KIF19: variants seen among roughly 807,000 people sequenced by gnomAD.
KIF19 encodes kinesin family member 19, also known as kinesin-like protein KIF19.
In KIF19, 98 loss-of-function variants were observed where a neutral mutation model predicts 106.6. The observed-to-expected ratio is 0.92, with a 90% CI of 0.78 to 1.09. KIF19 has a LOEUF of 1.09. Ranked by LOEUF, KIF19 falls within the 50% of genes least tolerant of loss-of-function variation. The probability of loss-of-function intolerance (pLI) is 0.00; values close to 1 mark genes in which losing one functional copy is unlikely to be tolerated. For synonymous variants in KIF19, 516 were observed against 584.2 expected (o/e 0.88, Z 1.68); for missense variants, 1,373 against 1,414.3 (o/e 0.97, Z 0.47).
At chr17:74,328,364 C>G (rs568873108) in intron 1 of KIF19, 61 bp from the exon 2 acceptor site, 34 of 1,488,180 alleles carry the variant, frequency 2.3e-5, no homozygotes, top group South Asian at 1.3e-4. Flanking sequence ...TGCTTGAGGT[C>G]TCTCTGAGGC....
Position 74,351,989 on chromosome 17 carries a change from C to A in KIF19, c.1710C>A (p.His570Gln). Reference protein sequence around the residue: ...REVLSLLCRVHELEVENTEMQ... With the variant: ...REVLSLLCRVQELEVENTEMQ... ...TGCTCAGCCTGCTGTGCCGCGTGCA[C>A]GAGCTCGAGGTGGAGAACACCGAGA... Residue 570 changes from histidine to glutamine, a missense_variant, in exon 13 of 20, where the codon CAC becomes CAA. This residue lies in a region of KIF19 where 1,020 missense variants were observed against 1,008.2 expected (regional missense o/e 1.01). Transcript: ENST00000389916. The A allele has an allele frequency of 6.5e-7, 1 of 1,539,434 alleles. No homozygotes were observed. Among genetic ancestry groups the A allele is most frequent in the Non-Finnish European group, 8.7e-7 (1 of 1,150,944 alleles).
At chr17:74,329,528 T>C (rs959956444) in intron 2 of KIF19, 1 of 149,880 alleles carries the variant, frequency 6.7e-6, no homozygotes, top group Non-Finnish European at 1.5e-5. Flanking sequence ...AGGTCATTAG[T>C]AGCATGCATG....
rs540014461 is a variant in KIF19 at position 74,354,313 on chromosome 17, T to G, written c.2460T>G (p.Asp820Glu). Residue 820 changes from aspartate (D) to glutamate (E), a missense_variant, in exon 18 of 20, where the codon GAT becomes GAG. Around this residue, in one of 3 missense-constraint regions of KIF19, gnomAD observed 1,020 missense variants for 1,008.2 expected, o/e 1.01. Transcript: ENST00000389916. ...TGCACTCACTGAGCGAGGGCGACGA[T>G]GCGCGGCCACCAGGCCCACTGGCCT... ...LSLHSLSEGD[D>E]ARPPGPLACK... 2.5e-5 allele frequency: 41 copies of G among 1,608,490 alleles called. 1 individual carries two copies. The Middle Eastern group carries it at 2.6e-3, about 104-fold the overall frequency.
At position 74,344,209 on chromosome 17, in the gene KIF19, A is replaced by G. The variant is rs549122900; in HGVS notation, c.457-14A>G. On this transcript the variant is annotated splice_polypyrimidine_tract_variant and intron_variant, in intron 5 of 19. Coordinates refer to ENST00000389916, the MANE Select transcript of KIF19 (RefSeq NM_153209.4). ...GTCTCCCTTCCCCCACCCCTCCCCC[A>G]CCTGTCCCGTCAGATCTACAATGAG... The G allele has an allele frequency of 1.3e-6, 2 of 1,572,790 alleles. No homozygotes were observed. Among genetic ancestry groups the G allele is most frequent in the East Asian group, 4.6e-5 (2 of 43,658 alleles).
intron 2 of KIF19, among the ~76,000 whole-genome samples, chr17:74,339,627 C>T (rs1280954490): frequency 1.3e-5 from 2 of 148,642 alleles, no homozygotes; most frequent in Admixed American, 6.6e-5. Context: ...CTGAGGCTGC[C>T]GTCATGCACT....
At chr17:74,335,003 A>T (rs1249330410) in intron 2 of KIF19, among the ~76,000 whole-genome samples, 1 of 152,182 alleles carries the variant, frequency 6.6e-6, no homozygotes, top group East Asian at 1.9e-4. Context: ...AGGCCCAGAG[A>T]AGTGTTGGAG....
chr17:74,341,960 G>T lies in KIF19; in HGVS notation c.205G>T (p.Val69Leu), dbSNP rs745725314. 8.7e-6 allele frequency: 14 copies of T among 1,613,248 alleles called. No individual in the cohort carries two copies. The highest frequency in any genetic ancestry group is 1.7e-5 in the Admixed American group (1 of 59,996). ...CCGGGAGAAGTCCTACCTGTTCGAC[G>T]TGGCCTTTGACTTCACCGCCACCCA... ...RSREKSYLFD[V>L]AFDFTATQEM... Residue 69 changes from valine (V) to leucine (L), a missense_variant, in exon 3 of 20, where the codon GTG (valine) becomes TTG (leucine). Around this residue, in one of 3 missense-constraint regions of KIF19, gnomAD observed 348 missense variants for 389.5 expected, o/e 0.89. Coordinates refer to ENST00000389916, the MANE Select transcript of KIF19 (RefSeq NM_153209.4).
chr17:74,332,188 G>GTGTA (rs1224149429), intron 2 of KIF19, among the ~76,000 whole-genome samples: 1 of 49,566 alleles, frequency 2.0e-5, no homozygotes, highest in Non-Finnish European at 3.9e-5. Flanking sequence ...CAGTGTGTGT[G>GTGTA]TGTGTGTGTG....
At chr17:74,328,966 G>A (rs2053995890) in intron 2 of KIF19, 1 of 155,410 alleles carries the variant, frequency 6.4e-6, no homozygotes, top group African/African-American at 2.4e-5. Context: ...AGCATGCTGG[G>A]TACTGTTCTA....
chr17:74,336,980 C>G (rs538698105), intron 2 of KIF19, among the ~76,000 whole-genome samples: 1 of 152,272 alleles, frequency 6.6e-6, no homozygotes, highest in Admixed American at 6.5e-5. Flanking sequence ...CGCGTGCCAC[C>G]ATGCCCGGCT....
At chr17:74,353,026 T>C (rs2054764039) in intron 15 of KIF19, 72 bp downstream of exon 15, 1 of 1,572,500 alleles carries the variant, frequency 6.4e-7, no homozygotes, top group African/African-American at 1.3e-5. Context: ...AGACTAAGGC[T>C]AAATGGGGAA....
rs545749813 is a variant in KIF19 at position 74,348,004 on chromosome 17, G to A, written c.1047+105G>A. The A allele has an allele frequency of 9.5e-4, 1,244 of 1,311,516 alleles. 5 individuals carry two copies. Among genetic ancestry groups the A allele is most frequent in the Non-Finnish European group, 1.1e-3 (1,093 of 958,176 alleles). 81.2% of individuals were successfully genotyped at this position (1,311,516 alleles called of 1,614,324 possible). A position where few individuals can be genotyped will look rare whatever the true frequency, so the allele number is the denominator to read the frequency against. On this transcript the variant is annotated intron_variant, in intron 9 of 19. Transcript: ENST00000389916. ...ACTGCACTCTCTGGAACCAGCCACTGCTGCACTGGCCTCATTCCCTAGTTG... is the reference window on the plus strand; with the variant it reads ...ACTGCACTCTCTGGAACCAGCCACTACTGCACTGGCCTCATTCCCTAGTTG...
intron 2 of KIF19, among the ~76,000 whole-genome samples, chr17:74,340,555 G>GCGCGCACACACA: frequency 0.012 from 1,761 of 148,292 alleles, 19 homozygotes; most frequent in Middle Eastern, 0.017. Context: ...ATGCGCGCGC[G>GCGCGCACACACA]TACACACACA....
chr17:74,343,233 G>T, intron 5 of KIF19, 73 bp downstream of exon 5: 2 of 1,497,010 alleles, frequency 1.3e-6, no homozygotes, highest in Non-Finnish European at 1.8e-6. Flanking sequence ...AGCTTCCCGG[G>T]GCGCTCATCA....
chr17:74,352,061 C>CGAGG lies in KIF19; in HGVS notation c.1783_1786dup (p.Ala596GlyfsTer85). The CGAGG allele has an allele frequency of 1.3e-6, 2 of 1,589,322 alleles. No homozygotes were observed. The highest frequency in any genetic ancestry group is 1.7e-6 in the Non-Finnish European group (2 of 1,172,974). ...GCGACGGTGCGCTCCGCCACCGCCA[C>CGAGG]GAGGCCGTGCGCCGCCTGGAGCAGC... On this transcript the variant is annotated frameshift_variant, in exon 13 of 20. Transcript: ENST00000389916. LOFTEE classifies it high-confidence loss of function.
rs1037629992 is a variant in KIF19, at chr17:74,346,137, C to T, written c.778-241C>T. ...GTCAGGCCGTGCCACGGCACCTGCC[C>T]TGAGGAGAACCGGCCATCTCAGCCC... On this transcript the variant is annotated intron_variant, in intron 7 of 19. Transcript: ENST00000389916. This position sits in a 1 kb window ranked among gnomAD's most constrained non-coding sequence, Gnocchi z 4.6. Among the ~76,000 whole-genome samples, 37 of 152,380 alleles carry T rather than the reference C, an allele frequency of 2.4e-4. No individual in the cohort carries two copies. Among genetic ancestry groups the T allele is most frequent in the African/African-American group, 8.7e-4 (36 of 41,602 alleles).
At chr17:74,344,687 C>G in intron 6 of KIF19, 74 bp from the exon 7 acceptor site, 2 of 1,466,642 alleles carry the variant, frequency 1.4e-6, no homozygotes, top group Middle Eastern at 3.8e-4. Context: ...TCCCTGCTAG[C>G]CCCCTCAGGG....
rs1396942535 is a variant in KIF19 at position 74,341,948 on chromosome 17, T to C, written c.193T>C (p.Tyr65His). ...LRAHRSREKS[Y>H]LFDVAFDFTA... is the part of the protein sequence containing the mutation. ...GGCGCATCGCTCCCGGGAGAAGTCC[T>C]ACCTGTTCGACGTGGCCTTTGACTT... The change falls in exon 3 of 20, where the codon TAC (tyrosine) becomes CAC (histidine). Residue 65 changes from tyrosine to histidine, a missense_variant. Around this residue, in one of 3 missense-constraint regions of KIF19, gnomAD observed 348 missense variants for 389.5 expected, o/e 0.89. Coordinates refer to ENST00000389916, the MANE Select transcript of KIF19 (RefSeq NM_153209.4). 3.7e-6 allele frequency: 6 copies of C among 1,613,568 alleles called. No homozygotes were observed. The highest frequency in any genetic ancestry group is 1.7e-5 in the Admixed American group (1 of 60,020).
chr17:74,347,996 C>A, intron 9 of KIF19, 97 bp downstream of exon 9: 1 of 1,386,040 alleles, frequency 7.2e-7, no homozygotes, highest in Admixed American at 2.1e-5. Context: ...TCTCTGGAAC[C>A]AGCCACTGCT....
Sources: gnomAD v4.1 joint callset for allele counts (sites outside exome capture counted in the v4.1 genomes callset) on GRCh38, gnomAD v4.1.1 for gene constraint, gnomAD v4.1.1 regional missense constraint, Gnocchi (gnomAD v3.1) non-coding constraint, MANE v1.5 for transcripts, NCBI Gene and HGNC (gene_info 2026-07-23, HGNC 2026-07-21) for gene names.